The following GRM7 variants were observed in gnomAD, a reference collection of about 807,000 sequenced individuals.
GRM7 encodes metabotropic glutamate receptor 7.
GRM7 carries 35 observed loss-of-function variants against 84.5 expected under a neutral mutation model. The ratio of observed to expected loss-of-function variants is 0.41; its 90% confidence interval spans 0.32 to 0.55. GRM7 has a LOEUF of 0.55. GRM7 is among the 20% of genes least tolerant of loss of function. The pLI is 0.19. For synonymous variants in GRM7, 487 were observed against 455.1 expected, an observed-to-expected ratio of 1.07 and a Z score of -0.89; for missense variants, 1,003 against 1,194.6, an observed-to-expected ratio of 0.84 and a Z score of 2.36.
At chr3:7,006,912 C>T (rs191366127) in intron 1 of GRM7, among the ~76,000 whole-genome samples, 6 of 152,120 alleles carry the variant, frequency 3.9e-5, no homozygotes, top group African/African-American at 1.2e-4. Flanking sequence ...CAAATAATAA[C>T]GATAAATAAA....
At chr3:7,198,678 T>G (rs1278295648) in intron 2 of GRM7, among the ~76,000 whole-genome samples, 1 of 152,184 alleles carries the variant, frequency 6.6e-6, no homozygotes, top group African/African-American at 2.4e-5. Flanking sequence ...AATAAGGTGT[T>G]GAATAGCTTA....
chr3:7,418,439 T>C (rs964593863), intron 5 of GRM7, among the ~76,000 whole-genome samples: 7 of 152,164 alleles, frequency 4.6e-5, no homozygotes, highest in African/African-American at 1.7e-4. Context: ...TGCTGCTTCA[T>C]AGAAGAGCTA....
In GRM7 at chr3:7,542,708, A is replaced by G. The variant is rs1692946874; in HGVS notation, c.1516-35714A>G. ...GACTACAGGCACATGCCACCACGCC[A>G]GGCCAATTTTTGTATTTTTAGTAGA... is the stretch of plus-strand genomic sequence containing the variant. On this transcript the variant is annotated intron_variant, in intron 7 of 9. Transcript: ENST00000357716. Among the ~76,000 whole-genome samples, 5 of 151,964 alleles carry G rather than the reference A, an allele frequency of 3.3e-5. No individual in the cohort carries two copies. The South Asian group carries it at 1.0e-3, about 32-fold the overall frequency.
chr3:7,472,290 G>T (rs551078121), intron 7 of GRM7, among the ~76,000 whole-genome samples: 121 of 152,190 alleles, frequency 8.0e-4, no homozygotes, highest in African/African-American at 2.6e-3. Context: ...TTCCTCTATA[G>T]AAACATAAAA....
intron 1 of GRM7, among the ~76,000 whole-genome samples, chr3:6,979,734 G>A (rs1694126653): frequency 2.0e-5 from 3 of 152,048 alleles, no homozygotes; most frequent in Admixed American, 1.3e-4. Flanking sequence ...ATGGGTTGGT[G>A]GAAAAGTAAT....
At chr3:7,694,918 A>G (rs1302242825) in intron 9 of GRM7, among the ~76,000 whole-genome samples, 1 of 152,180 alleles carries the variant, frequency 6.6e-6, no homozygotes, top group Non-Finnish European at 1.5e-5. Flanking sequence ...CCTGTATTTA[A>G]CAAGCTTCCC....
intron 1 of GRM7, among the ~76,000 whole-genome samples, chr3:6,990,068 G>T (rs490239): frequency 0.84 from 127,327 of 152,170 alleles, 54,891 homozygotes; most frequent in Non-Finnish European, 0.95. Flanking sequence ...CTCCCTTCCT[G>T]AAGGGCTGTG....
At chr3:7,128,410 T>C (rs2125050505) in intron 1 of GRM7, among the ~76,000 whole-genome samples, 1 of 151,834 alleles carries the variant, frequency 6.6e-6, no homozygotes, top group East Asian at 1.9e-4. Context: ...CATGATGACA[T>C]CTAGAATCTC....
chr3:6,963,112 TC>T (rs1391904864), intron 1 of GRM7, among the ~76,000 whole-genome samples: 2 of 152,222 alleles, frequency 1.3e-5, no homozygotes, highest in African/African-American at 4.8e-5. Flanking sequence ...ACCCTTATTT[TC>T]TTTGGAGATG....
chr3:7,099,601 T>C (rs1056722588), intron 1 of GRM7, among the ~76,000 whole-genome samples: 2 of 139,150 alleles, frequency 1.4e-5, no homozygotes, highest in African/African-American at 2.6e-5. Flanking sequence ...TGTACACGCA[T>C]TATACATGTG....
chr3:7,650,805 C>T (rs561824601), intron 8 of GRM7, among the ~76,000 whole-genome samples: 6 of 152,184 alleles, frequency 3.9e-5, no homozygotes, highest in Non-Finnish European at 4.4e-5. Flanking sequence ...GCAACCTTAG[C>T]CTCCTGGCTC....
chr3:7,195,975 G>T (rs1343290674), intron 2 of GRM7, among the ~76,000 whole-genome samples: 3 of 151,984 alleles, frequency 2.0e-5, no homozygotes, highest in Non-Finnish European at 4.4e-5. Context: ...AGGTATACTT[G>T]TATATCTATG....
chr3:7,518,178 A>G (rs1184160281), intron 7 of GRM7, among the ~76,000 whole-genome samples: 1 of 152,182 alleles, frequency 6.6e-6, no homozygotes. Context: ...AAGAGAGCAC[A>G]GCTGTGGTGT....
At chr3:7,418,344 G>A (rs1024576074) in intron 5 of GRM7, among the ~76,000 whole-genome samples, 1 of 152,166 alleles carries the variant, frequency 6.6e-6, no homozygotes, top group African/African-American at 2.4e-5. Flanking sequence ...TAATCACTCA[G>A]CGTGAAATGC....
chr3:7,015,179 C>T (rs922170867), intron 1 of GRM7, among the ~76,000 whole-genome samples: 1 of 151,966 alleles, frequency 6.6e-6, no homozygotes, highest in Non-Finnish European at 1.5e-5. Flanking sequence ...GGTCCCCTTC[C>T]CTGCTGTGGA....
intron 9 of GRM7, among the ~76,000 whole-genome samples, chr3:7,708,699 G>A (rs1186381157): frequency 6.6e-6 from 1 of 152,104 alleles, no homozygotes; most frequent in Non-Finnish European, 1.5e-5. Context: ...TTGGAAACCA[G>A]TCACTCGTAA....
intron 6 of GRM7, among the ~76,000 whole-genome samples, 192 bp from the exon 7 acceptor site, chr3:7,461,391 A>G (rs918042130): frequency 3.9e-5 from 6 of 152,184 alleles, no homozygotes; most frequent in African/African-American, 1.2e-4. Flanking sequence ...TCCACCTTCT[A>G]TAATTAAAAT....
chr3:7,725,302 T>C lies in GRM7; in HGVS notation c.2699-15055T>C, dbSNP rs1365742470. 3.9e-5 allele frequency among the ~76,000 whole-genome samples: 6 copies of C among 152,082 alleles called. No homozygotes were observed. The East Asian group carries it at 1.2e-3, about 29-fold the overall frequency. ...TTGGGAATATCTTGGGAAAAAAAAT[T>C]CTGGAACAGATAGTTAGAGGGTATC... On this transcript the variant is annotated intron_variant, in intron 9 of 9. Coordinates refer to ENST00000357716, the MANE Select transcript of GRM7 (RefSeq NM_000844.4).
intron 4 of GRM7, among the ~76,000 whole-genome samples, chr3:7,364,825 T>A (rs1336343100): frequency 1.3e-5 from 2 of 151,950 alleles, no homozygotes; most frequent in Admixed American, 6.6e-5. Flanking sequence ...CTATTTGTCC[T>A]AATTGTGGTT....
Sources: gnomAD v4.1 joint callset for allele counts (sites outside exome capture counted in the v4.1 genomes callset) on GRCh38, gnomAD v4.1.1 for gene constraint, MANE v1.5 for transcripts, NCBI Gene and HGNC (gene_info 2026-07-23, HGNC 2026-07-21) for gene names.